Variants in SERPINA12 observed in about 807,000 individuals in gnomAD.
The protein encoded by SERPINA12 is serpin A12.
Under a neutral mutation model 25.9 loss-of-function variants are expected in SERPINA12, and 21 were observed. The ratio of observed to expected loss-of-function variants is 0.81; its 90% CI spans 0.58 to 1.17. The LOEUF is 1.17. Ranked by LOEUF, SERPINA12 falls within the 50% of genes most tolerant of loss-of-function variation. SERPINA12 has a pLI of 0.00. For synonymous variants in SERPINA12, 220 were observed against 196.0 expected (o/e 1.12, Z -1.02); for missense variants, 562 against 508.3 (o/e 1.11, Z -1.02).
At chr14:94,490,530 T>A (rs1181440680) in intron 3 of SERPINA12, among the ~76,000 whole-genome samples, 1 of 152,018 alleles carries the variant, frequency 6.6e-6, no homozygotes, top group Non-Finnish European at 1.5e-5. Context: ...TCCTGCATCA[T>A]CCTTAAACAG....
At chr14:94,487,551 G>C (rs1233482453) in intron 4 of SERPINA12, 57 bp from the exon 5 acceptor site, 1 of 1,482,406 alleles carries the variant, frequency 6.7e-7, no homozygotes, top group Non-Finnish European at 9.1e-7. Flanking sequence ...ACCACAGTGG[G>C]CCGGAGGCCC....
chr14:94,517,060 C>CT (rs1336898059), intron 1 of SERPINA12, among the ~76,000 whole-genome samples: 5 of 152,292 alleles, frequency 3.3e-5, no homozygotes, highest in Admixed American at 2.0e-4. Flanking sequence ...CGAAACTGCC[C>CT]TTTGGGGGCA....
At chr14:94,516,758 C>T (rs763699007) in intron 1 of SERPINA12, among the ~76,000 whole-genome samples, 3 of 152,162 alleles carry the variant, frequency 2.0e-5, no homozygotes, top group Non-Finnish European at 4.4e-5. Context: ...CACTCTCTGA[C>T]CCCAGGTCCT....
At chr14:94,514,168 G>T (rs1420931014), upstream of SERPINA12, among the ~76,000 whole-genome samples, 1 of 152,064 alleles carries the variant, frequency 6.6e-6, no homozygotes, top group Non-Finnish European at 1.5e-5. Context: ...CGGCTGACTT[G>T]TTGTTTTATT....
At chr14:94,509,000 CAT>C (rs879522254) in intron 1 of SERPINA12, among the ~76,000 whole-genome samples, 3 of 152,188 alleles carry the variant, frequency 2.0e-5, no homozygotes, top group Non-Finnish European at 2.9e-5. Flanking sequence ...CATTTTTACA[CAT>C]GAGAAATCTG....
chr14:94,509,498 C>G (rs1330206204), upstream of SERPINA12, among the ~76,000 whole-genome samples: 1 of 152,136 alleles, frequency 6.6e-6, no homozygotes, highest in Non-Finnish European at 1.5e-5. Context: ...CAAGCCTTAT[C>G]TACAAACTGG....
At chr14:94,502,820 G>A (rs955021043) in intron 1 of SERPINA12, among the ~76,000 whole-genome samples, 3 of 152,318 alleles carry the variant, frequency 2.0e-5, no homozygotes, top group Admixed American at 1.3e-4. Context: ...CCTCCTCATC[G>A]GGGAGATGCT....
At chr14:94,501,716 G>C (rs1281815184) in intron 1 of SERPINA12, among the ~76,000 whole-genome samples, 1 of 143,470 alleles carries the variant, frequency 7.0e-6, no homozygotes, top group Non-Finnish European at 1.5e-5. Flanking sequence ...GGCCTGGTGG[G>C]GTCTCAGCAC....
rs766785989 is a variant in SERPINA12 at position 94,498,354 on chromosome 14, A to G, written c.44T>C (p.Leu15Pro). 2.5e-6 allele frequency: 4 copies of G among 1,614,112 alleles called. No individual in the cohort carries two copies. The highest frequency in any genetic ancestry group is 2.2e-5 in the South Asian group (2 of 91,070). Residue 15 changes from leucine (L) to proline (P), a missense_variant, in exon 2 of 5, where the codon CTC (leucine) becomes CCC (proline). Leu to Pro is a moderately conservative substitution (Grantham distance 98, BLOSUM62 -3). Coordinates refer to ENST00000677451, the MANE Select transcript of SERPINA12 (RefSeq NM_001382267.1). ...CGGCTTTAGAAGACCTTTCACCGTG[A>G]GGAGAACAGCCAGAAAAATGGCCAG... ...LGLAIFLAVL[L>P]TVKGLLKPSF... is the part of the protein sequence containing the mutation.
intron 2 of SERPINA12, among the ~76,000 whole-genome samples, chr14:94,497,235 T>C (rs1041366848): frequency 6.6e-6 from 1 of 152,200 alleles, no homozygotes; most frequent in Non-Finnish European, 1.5e-5. Flanking sequence ...ATCTGGGAAA[T>C]ATATAAAGTC....
intron 1 of SERPINA12, among the ~76,000 whole-genome samples, chr14:94,508,282 A>G (rs1258659878): frequency 6.6e-6 from 1 of 152,276 alleles, no homozygotes; most frequent in African/African-American, 2.4e-5. Flanking sequence ...AATATTTTTA[A>G]GCAATCTCCG....
intron 1 of SERPINA12, chr14:94,516,267 A>G (rs1901230537): frequency 6.5e-6 from 1 of 152,706 alleles, no homozygotes; most frequent in African/African-American, 2.4e-5. Flanking sequence ...GTCAGCCCAG[A>G]ACCTCTGCAG....
At chr14:94,509,984 C>A (rs1901066635), upstream of SERPINA12, 1 of 985,314 alleles carries the variant, frequency 1.0e-6, no homozygotes, top group Admixed American at 6.1e-5. Context: ...GGCCCTCTCT[C>A]ACCTCCCAGG....
chr14:94,496,724 C>T (rs1900442953), intron 2 of SERPINA12, 81 bp from the exon 3 acceptor site: 1 of 1,182,982 alleles, frequency 8.5e-7, no homozygotes, highest in Non-Finnish European at 1.2e-6. Context: ...TAGTCTCTCT[C>T]CACACAGATT....
intron 2 of SERPINA12, among the ~76,000 whole-genome samples, chr14:94,497,447 A>AT (rs1202024826): frequency 2.6e-5 from 4 of 151,736 alleles, no homozygotes; most frequent in East Asian, 1.9e-4. Context: ...TCTCACTCTG[A>AT]TTTTTTTTTC....
At position 94,489,732 on chromosome 14, in the gene SERPINA12, G is replaced by C. The variant is rs200196811; in HGVS notation, c.941C>G (p.Thr314Arg). 1 of 1,614,060 alleles carries C rather than the reference G, an allele frequency of 6.2e-7. No homozygotes were observed. The highest frequency in any genetic ancestry group is 1.3e-5 in the African/African-American group (1 of 74,936). The change falls in exon 4 of 5, where the codon ACG becomes AGG. Residue 314 changes from threonine to arginine, a missense_variant. Transcript: ENST00000677451. ...VDVSVPRLHM[T>R]GTFDLKKTLS... is the part of the protein sequence containing the mutation. ...AGTCTTCTTCAGGTCGAAGGTGCCC[G>C]TCATGTGGAGTCTGGGTACAGACAC...
chr14:94,488,577 C>T (rs1032907089), intron 4 of SERPINA12, among the ~76,000 whole-genome samples: 5 of 151,990 alleles, frequency 3.3e-5, no homozygotes, highest in South Asian at 4.1e-4. Context: ...AAGTGTGTCC[C>T]GTGAAATATT....
chr14:94,503,768 T>A (rs1235722164), intron 1 of SERPINA12, among the ~76,000 whole-genome samples: 1 of 152,128 alleles, frequency 6.6e-6, no homozygotes, highest in Non-Finnish European at 1.5e-5. Context: ...CCAGCCTCTA[T>A]CCTCAGAGAG....
At chr14:94,489,133 A>G (rs901778567) in intron 4 of SERPINA12, among the ~76,000 whole-genome samples, 1 of 145,686 alleles carries the variant, frequency 6.9e-6, no homozygotes, top group African/African-American at 2.5e-5. Flanking sequence ...GGAAGGAAGG[A>G]AGAGAGAGAG....
Sources: allele counts gnomAD v4.1 joint callset (sites outside exome capture counted in the v4.1 genomes callset), GRCh38; gene constraint gnomAD v4.1.1; transcripts MANE v1.5; gene names NCBI Gene and HGNC (gene_info 2026-07-23, HGNC 2026-07-21).